RASGRP3: variants seen among roughly 807,000 people sequenced by gnomAD.
The protein encoded by RASGRP3 is RAS guanyl releasing protein 3.
In RASGRP3, 54 loss-of-function variants were observed where a neutral mutation model predicts 82.7. That is an observed-to-expected ratio of 0.65 (90% confidence interval 0.52 to 0.82). The LOEUF (loss-of-function observed/expected upper bound fraction) is 0.82, where lower values mean the gene tolerates loss of function less well. Among genes scored for constraint, RASGRP3 ranks in the 40% least tolerant of loss-of-function variants. The probability of loss-of-function intolerance (pLI) is 0.00; values close to 1 mark genes in which losing one functional copy is unlikely to be tolerated. For missense variants in RASGRP3, 861 were observed against 828.9 expected (o/e 1.04, Z -0.48); for synonymous variants, 309 against 300.5 (o/e 1.03, Z -0.29).
chr2:33,461,369 C>A (rs1237209236), intron 2 of RASGRP3, among the ~76,000 whole-genome samples: 9 of 152,220 alleles, frequency 5.9e-5, no homozygotes, highest in African/African-American at 2.2e-4. Context: ...GCCTCCATCT[C>A]CCGGGTTCAA....
chr2:33,542,661 C>G (rs560471283), intron 12 of RASGRP3, among the ~76,000 whole-genome samples: 1 of 146,510 alleles, frequency 6.8e-6, no homozygotes, highest in East Asian at 1.9e-4. Flanking sequence ...CCTCTTTCCC[C>G]CCCCCACCAA....
intron 2 of RASGRP3, among the ~76,000 whole-genome samples, chr2:33,457,425 GT>G: frequency 6.6e-6 from 1 of 151,948 alleles, no homozygotes; most frequent in Admixed American, 6.5e-5. Context: ...AATGCATAGT[GT>G]TTTTTTCAGC....
In RASGRP3 at chr2:33,558,311, G is replaced by A; in HGVS notation, c.1680G>A (p.Leu560=). ...CCTTGAGCAGTGGTCATGGGTCACT[G>A]CCTGGAAGCCCCTCGCTGCCCCCAG... ...APSLSSGHGS[L]PGSPSLPPAQ... is the part of the protein sequence containing the mutation. Residue 560 remains leucine (L), a synonymous_variant, in exon 16 of 18, where the codon CTG becomes CTA. Transcript: ENST00000403687. The A allele has an allele frequency of 1.9e-6, 3 of 1,613,652 alleles. No individual in the cohort carries two copies. Among genetic ancestry groups the A allele is most frequent in the South Asian group, 1.1e-5 (1 of 91,024 alleles).
intron 2 of RASGRP3, among the ~76,000 whole-genome samples, chr2:33,467,996 C>G (rs1666811801): frequency 1.1e-5 from 1 of 87,356 alleles, no homozygotes; most frequent in Admixed American, 1.2e-4. Context: ...TTCTTTCTTT[C>G]TTTCTTTCTT....
chr2:33,534,764 C>T (rs1330906295), intron 11 of RASGRP3, among the ~76,000 whole-genome samples: 5 of 146,056 alleles, frequency 3.4e-5, no homozygotes, highest in African/African-American at 1.3e-4. Flanking sequence ...CGGCTGGTCT[C>T]GAACTACTGA....
At chr2:33,536,882 C>T (rs534099237) in intron 11 of RASGRP3, among the ~76,000 whole-genome samples, 12 of 152,256 alleles carry the variant, frequency 7.9e-5, no homozygotes, top group African/African-American at 2.9e-4. Context: ...TGCTTTTGGG[C>T]TCTGGCCCCA....
At chr2:33,499,445 G>C (rs931596666) in intron 1 of RASGRP3, among the ~76,000 whole-genome samples, 2 of 152,026 alleles carry the variant, frequency 1.3e-5, no homozygotes, top group Admixed American at 6.6e-5. Context: ...TGTGGTCCCA[G>C]CTACTCGAAA....
chr2:33,519,437 A>C (rs896856150), intron 4 of RASGRP3, among the ~76,000 whole-genome samples: 3 of 152,154 alleles, frequency 2.0e-5, no homozygotes, highest in Non-Finnish European at 4.4e-5. Context: ...TAACACGGCG[A>C]AACCCCGTCT....
chr2:33,480,411 G>A (rs1480035003), intron 1 of RASGRP3, among the ~76,000 whole-genome samples: 2 of 152,146 alleles, frequency 1.3e-5, no homozygotes, highest in Admixed American at 6.5e-5. Flanking sequence ...GCCCAACTCA[G>A]TAGTAGTCAG....
chr2:33,486,215 G>A (rs936505536), intron 1 of RASGRP3, among the ~76,000 whole-genome samples: 3 of 150,094 alleles, frequency 2.0e-5, no homozygotes, highest in African/African-American at 4.9e-5. Context: ...CCTAGTCTGG[G>A]GTATAGTGGC....
chr2:33,462,723 T>C (rs1380259652), intron 2 of RASGRP3, among the ~76,000 whole-genome samples: 2 of 152,172 alleles, frequency 1.3e-5, no homozygotes, highest in African/African-American at 4.8e-5. Context: ...CTCACGAAGA[T>C]CAAATTGCGC....
At chr2:33,491,588 A>G (rs912687278) in intron 1 of RASGRP3, among the ~76,000 whole-genome samples, 2 of 152,224 alleles carry the variant, frequency 1.3e-5, no homozygotes, top group Non-Finnish European at 2.9e-5. Context: ...TGCACACAAG[A>G]TGGTGTAGAG....
At chr2:33,482,096 C>G (rs1278417425) in intron 1 of RASGRP3, 1 of 151,638 alleles carries the variant, frequency 6.6e-6, no homozygotes, top group East Asian at 1.9e-4. Context: ...TCACTGCAAG[C>G]TCCGCCTCCC....
chr2:33,446,786 G>T (rs1256806726), intron 1 of RASGRP3, among the ~76,000 whole-genome samples: 2 of 151,858 alleles, frequency 1.3e-5, no homozygotes, highest in South Asian at 2.1e-4. Context: ...AAATCTCTTG[G>T]TGAGTGCCAT....
At chr2:33,446,491 AT>A (rs10710881) in intron 1 of RASGRP3, among the ~76,000 whole-genome samples, 139,847 of 147,586 alleles carry the variant, frequency 0.95, 66,259 homozygotes, top group Admixed American at 0.97. Context: ...AATTTTTTGG[AT>A]TTTTTTTTTT....
Position 33,558,866 on chromosome 2 carries a change from C to T in RASGRP3, c.1900C>T (p.Pro634Ser), listed in dbSNP as rs1364451456. 1.2e-6 allele frequency: 2 copies of T among 1,613,950 alleles called. No homozygotes were observed. The highest frequency in any genetic ancestry group is 8.5e-7 in the Non-Finnish European group (1 of 1,179,888). ...GGGGGACTCGGGGTCCCACACCTTCCCTAAAATGAAATCCAAGTTCCATGA... is the reference window on the plus strand; with the variant it reads ...GGGGGACTCGGGGTCCCACACCTTCTCTAAAATGAAATCCAAGTTCCATGA... ...GWGDSGSHTF[P>S]KMKSKFHDKA... Residue 634 changes from proline (P) to serine (S), a missense_variant, in exon 17 of 18, where the codon CCT becomes TCT. Coordinates refer to ENST00000403687, the MANE Select transcript of RASGRP3 (RefSeq NM_001139488.2).
chr2:33,514,852 G>A (rs1401051370), intron 2 of RASGRP3, among the ~76,000 whole-genome samples, 158 bp from the exon 3 acceptor site: 1 of 152,076 alleles, frequency 6.6e-6, no homozygotes, highest in Non-Finnish European at 1.5e-5. Context: ...AGGTATTTTG[G>A]CATCATAAAA....
At chr2:33,465,809 A>G (rs1666662091) in intron 2 of RASGRP3, among the ~76,000 whole-genome samples, 1 of 152,198 alleles carries the variant, frequency 6.6e-6, no homozygotes, top group African/African-American at 2.4e-5. Flanking sequence ...GTTGAAGCCA[A>G]TGCTCATTTG....
chr2:33,550,107 T>C (rs1347860906), intron 14 of RASGRP3, among the ~76,000 whole-genome samples: 5 of 152,162 alleles, frequency 3.3e-5, no homozygotes, highest in African/African-American at 9.7e-5. Flanking sequence ...TCCTTCCAGT[T>C]TTCATTTCAT....
Sources: allele counts gnomAD v4.1 joint callset (sites outside exome capture counted in the v4.1 genomes callset), GRCh38; gene constraint gnomAD v4.1.1; transcripts MANE v1.5; gene names NCBI Gene and HGNC (gene_info 2026-07-23, HGNC 2026-07-21).